TMEM131L: variants seen among roughly 807,000 people sequenced by gnomAD.
The protein encoded by TMEM131L is transmembrane 131 like, also known as transmembrane protein 131-like.
A neutral mutation model predicts 192.2 loss-of-function variants in TMEM131L; 54 were observed. The ratio of observed to expected loss-of-function variants is 0.28; its 90% CI spans 0.23 to 0.35. TMEM131L has a LOEUF of 0.35. Ranked by LOEUF, TMEM131L falls within the 10% of genes least tolerant of loss-of-function variation. The pLI is 1.00. For synonymous variants in TMEM131L, 701 were observed against 704.9 expected, an observed-to-expected ratio of 0.99 and a Z score of 0.09; for missense variants, 1,888 against 1,972.9, an observed-to-expected ratio of 0.96 and a Z score of 0.82.
intron 3 of TMEM131L, among the ~76,000 whole-genome samples, chr4:153,485,383 GTT>G (rs1732258709): frequency 6.6e-6 from 1 of 152,152 alleles, no homozygotes; most frequent in Non-Finnish European, 1.5e-5. Context: ...ATACATGCAT[GTT>G]GGATTAAAAC....
Position 153,511,663 on chromosome 4 carries a change from C to T in TMEM131L, c.239+37775C>T, listed in dbSNP as rs552494098. ...TACTGAAAAAATACAAAACCTTTTTCCATCTATATATGTATATGAACACAT... is the reference window on the plus strand; with the variant it reads ...TACTGAAAAAATACAAAACCTTTTTTCATCTATATATGTATATGAACACAT... On this transcript the variant is annotated intron_variant, in intron 3 of 34. Transcript: ENST00000409959. Among the ~76,000 whole-genome samples, 51 of 152,264 alleles carry T rather than the reference C, an allele frequency of 3.3e-4. 2 individuals are homozygous for T. The South Asian group carries it at 9.3e-3, about 28-fold the overall frequency.
At position 153,621,782 on chromosome 4, in the gene TMEM131L, C is replaced by T; in HGVS notation, c.3792C>T (p.Ser1264=). The change falls in exon 28 of 35, where the codon AGC becomes AGT. Residue 1264 remains serine (S), a synonymous_variant. Transcript: ENST00000409959. Reference sequence around the variant, plus strand: ...TAAGAAGCTGGTGTATACAGGAAAGCACTAGGGAGGTTTGTAAAGCAGATG... The same window carrying T: ...TAAGAAGCTGGTGTATACAGGAAAGTACTAGGGAGGTTTGTAAAGCAGATG... ...INVRSWCIQE[S]TREVCKADAE... 6.2e-7 allele frequency: 1 copy of T among 1,614,174 alleles called. No homozygotes were observed.
At chr4:153,487,127 C>T (rs1369145) in intron 3 of TMEM131L, among the ~76,000 whole-genome samples, 76,134 of 152,078 alleles carry the variant, frequency 0.5, 20,394 homozygotes, top group African/African-American at 0.71. Flanking sequence ...CTCTGATGCA[C>T]GCTCAAGTTT....
intron 31 of TMEM131L, chr4:153,632,431 C>G (rs1184372089): frequency 8.7e-6 from 3 of 343,724 alleles, no homozygotes; most frequent in Non-Finnish European, 1.6e-5. Flanking sequence ...CTGCTGTATC[C>G]TCAGTATCTT....
chr4:153,471,781 T>C (rs539975815), intron 2 of TMEM131L, among the ~76,000 whole-genome samples: 41 of 152,326 alleles, frequency 2.7e-4, no homozygotes, highest in Admixed American at 2.7e-3. Context: ...CCGTTACTTG[T>C]TCATTTAGCA....
chr4:153,533,272 A>G (rs1736055799), intron 3 of TMEM131L, among the ~76,000 whole-genome samples: 1 of 152,120 alleles, frequency 6.6e-6, no homozygotes, highest in African/African-American at 2.4e-5. Context: ...GGCGTAAGCT[A>G]CCGCACCCAG....
intron 7 of TMEM131L, among the ~76,000 whole-genome samples, chr4:153,578,368 T>A (rs564642581): frequency 6.6e-6 from 1 of 152,158 alleles, no homozygotes; most frequent in Non-Finnish European, 1.5e-5. Flanking sequence ...ATTTTATTTT[T>A]TTTTGAGACG....
At chr4:153,532,741 A>T (rs573699866) in intron 3 of TMEM131L, among the ~76,000 whole-genome samples, 6 of 152,274 alleles carry the variant, frequency 3.9e-5, no homozygotes, top group African/African-American at 1.4e-4. Flanking sequence ...TTTTATAAAT[A>T]GTCATAAAAT....
chr4:153,523,292 A>G (rs181712907), intron 3 of TMEM131L, among the ~76,000 whole-genome samples: 5 of 152,332 alleles, frequency 3.3e-5, no homozygotes, highest in Admixed American at 6.5e-5. Flanking sequence ...TGTGAAACGT[A>G]TGAATTTCCT....
chr4:153,558,995 T>A (rs1728678044), intron 7 of TMEM131L, among the ~76,000 whole-genome samples: 1 of 152,246 alleles, frequency 6.6e-6, no homozygotes, highest in Admixed American at 6.5e-5. Context: ...ATTTTATAAT[T>A]GAGAAAAGCT....
chr4:153,490,167 T>C (rs1732662280), intron 3 of TMEM131L, among the ~76,000 whole-genome samples: 1 of 152,222 alleles, frequency 6.6e-6, no homozygotes, highest in African/African-American at 2.4e-5. Context: ...CTGCTGTTAC[T>C]GTGAATTGAA....
At chr4:153,613,990 T>C (rs1355232048) in intron 26 of TMEM131L, among the ~76,000 whole-genome samples, 1 of 152,144 alleles carries the variant, frequency 6.6e-6, no homozygotes, top group Non-Finnish European at 1.5e-5. Context: ...AACACCAAGA[T>C]TCATAGTAGA....
In TMEM131L at chr4:153,515,754, C is replaced by T. The variant is rs536274347; in HGVS notation, c.240-34319C>T. ...ATTTTTCTACATTCTCACCAACCAACAGTTAATAGATGAGTTTATTATAGC... is the reference window on the plus strand; with the variant it reads ...ATTTTTCTACATTCTCACCAACCAATAGTTAATAGATGAGTTTATTATAGC... On this transcript the variant is annotated intron_variant, in intron 3 of 34. Coordinates refer to ENST00000409959, the MANE Select transcript of TMEM131L (RefSeq NM_001131007.2). Among the ~76,000 whole-genome samples, 87 of 152,268 alleles carry T rather than the reference C, an allele frequency of 5.7e-4. 1 individual carries two copies. In the South Asian group the frequency reaches 0.017, roughly 30 times the overall value.
chr4:153,514,012 T>A (rs1421726773), intron 3 of TMEM131L, among the ~76,000 whole-genome samples: 1 of 152,210 alleles, frequency 6.6e-6, no homozygotes, highest in Non-Finnish European at 1.5e-5. Context: ...CTCTGTCTCA[T>A]AATTGTGGAT....
At chr4:153,577,316 C>T (rs1208993294) in intron 7 of TMEM131L, among the ~76,000 whole-genome samples, 1 of 152,158 alleles carries the variant, frequency 6.6e-6, no homozygotes, top group Non-Finnish European at 1.5e-5. Context: ...CAAATAGTGG[C>T]ATGACCAGAT....
At chr4:153,569,532 CAG>C (rs1482915382) in intron 7 of TMEM131L, among the ~76,000 whole-genome samples, 2 of 152,128 alleles carry the variant, frequency 1.3e-5, no homozygotes, top group African/African-American at 4.8e-5. Flanking sequence ...GATTAAATAA[CAG>C]TGTTAAAATA....
intron 29 of TMEM131L, among the ~76,000 whole-genome samples, chr4:153,624,057 G>A (rs972850659): frequency 4.0e-5 from 6 of 151,086 alleles, no homozygotes; most frequent in Admixed American, 3.3e-4. Flanking sequence ...TTACATAAAT[G>A]AAATCATACT....
intron 19 of TMEM131L, 59 bp from the exon 20 acceptor site, chr4:153,596,199 A>C: frequency 6.3e-7 from 1 of 1,595,476 alleles, no homozygotes; most frequent in Non-Finnish European, 8.6e-7. Flanking sequence ...GGATGCACTT[A>C]ATGACAATGG....
rs567183909 is a variant in TMEM131L at position 153,583,482 on chromosome 4, T to C, written c.952-82T>C. The C allele has an allele frequency of 6.9e-5, 67 of 965,494 alleles. 1 individual carries two copies. The South Asian group carries it at 7.6e-4, about 11-fold the overall frequency. 59.8% of individuals were successfully genotyped at this position (965,494 alleles called of 1,614,324 possible). ...GTTGCTATGTATGGCTGGTCTGTGCTATTTATTCTAACGGTTCATTCAAAC... is the reference window on the plus strand; with the variant it reads ...GTTGCTATGTATGGCTGGTCTGTGCCATTTATTCTAACGGTTCATTCAAAC... On this transcript the variant is annotated intron_variant, in intron 10 of 34. Transcript: ENST00000409959.
Sources: allele counts gnomAD v4.1 joint callset (sites outside exome capture counted in the v4.1 genomes callset), GRCh38; gene constraint gnomAD v4.1.1; transcripts MANE v1.5; gene names NCBI Gene and HGNC (gene_info 2026-07-23, HGNC 2026-07-21).